MEGF6: variants seen among roughly 807,000 people sequenced by gnomAD.
The protein encoded by MEGF6 is multiple EGF like domains 6.
Under a neutral mutation model 207.1 loss-of-function variants are expected in MEGF6, and 184 were observed. The observed-to-expected ratio is 0.89, with a 90% CI of 0.79 to 1.00. The LOEUF is 1.00. MEGF6 is among the 50% of genes least tolerant of loss of function. The pLI is 0.00. For missense variants in MEGF6, 2,282 were observed against 2,202.9 expected, an observed-to-expected ratio of 1.04 and a Z score of -0.72; for synonymous variants, 1,038 against 910.0, an observed-to-expected ratio of 1.14 and a Z score of -2.53.
In MEGF6 at chr1:3,499,683, C is replaced by T. The variant is rs374957582; in HGVS notation, c.2870G>A (p.Arg957His). The change falls in exon 23 of 37, where the codon CGC (arginine) becomes CAC (histidine). Residue 957 changes from arginine (R) to histidine (H), a missense_variant. Arg to His is a conservative substitution (Grantham distance 29, BLOSUM62 0). Coordinates refer to ENST00000356575, the MANE Select transcript of MEGF6 (RefSeq NM_001409.4). ...CPAGFFGLDCRSACNCTAGAA... is the reference protein window; with the variant it reads ...CPAGFFGLDCHSACNCTAGAA... ...TCCGGCGGTGCAGTTGCAGGCACTG[C>T]GACAGTCCAATCCAAAGAAGCCGGC... 10 of 1,601,554 alleles carry T rather than the reference C, an allele frequency of 6.2e-6. No individual in the cohort carries two copies. The highest frequency in any genetic ancestry group is 4.5e-5 in the East Asian group (2 of 44,448).
Position 3,602,670 on chromosome 1 carries a change from C to A in MEGF6, c.132-70G>T, listed in dbSNP as rs369433572. 2.2e-5 allele frequency: 34 copies of A among 1,538,058 alleles called. No homozygotes were observed. The African/African-American group carries it at 4.5e-4, about 20-fold the overall frequency. On this transcript the variant is annotated intron_variant, in intron 1 of 36. Transcript: ENST00000356575. The stretch of plus-strand genomic sequence containing the variant: ...CGGCAACACCCACCCCTCCTGCACC[C>A]CCAGCCTTGGGTGTCAGCTCATCTG...
rs568191234 is a variant in MEGF6, at chr1:3,524,803, G to A, written c.482-557C>T. Among the ~76,000 whole-genome samples the A allele has an allele frequency of 2.7e-4, 41 of 152,270 alleles. No homozygotes were observed. In the South Asian group the frequency reaches 8.1e-3, roughly 30 times the overall value. On this transcript the variant is annotated intron_variant, in intron 4 of 36. Coordinates refer to ENST00000356575, the MANE Select transcript of MEGF6 (RefSeq NM_001409.4). ...TGGCAGCTGTCCTAAGTTCAGGCTC[G>A]AGATGAGATTGTTCCGGATGAGGGT... is the stretch of plus-strand genomic sequence containing the variant.
chr1:3,586,143 CTGTG>C (rs911051615), intron 3 of MEGF6, among the ~76,000 whole-genome samples: 3 of 138,090 alleles, frequency 2.2e-5, no homozygotes, highest in African/African-American at 2.8e-5. Flanking sequence ...GACACATGTC[CTGTG>C]TGTGTGTGAG....
the MEGF6 span, among the ~76,000 whole-genome samples, chr1:3,619,128 TAC>T: frequency 6.6e-6 from 1 of 152,244 alleles, no homozygotes; most frequent in Non-Finnish European, 1.5e-5. Flanking sequence ...AGGGCCTGAA[TAC>T]ACACACCCAG....
chr1:3,593,326 C>T (rs966649726), intron 3 of MEGF6, among the ~76,000 whole-genome samples: 5 of 150,764 alleles, frequency 3.3e-5, no homozygotes, highest in South Asian at 2.1e-4. Flanking sequence ...CAGGGGCACA[C>T]GAGGATAGCC....
At chr1:3,567,766 C>T (rs538295984) in intron 4 of MEGF6, among the ~76,000 whole-genome samples, 3 of 152,294 alleles carry the variant, frequency 2.0e-5, no homozygotes, top group South Asian at 4.1e-4. Flanking sequence ...TTGAAGGAGA[C>T]GGCCCTCCAC....
intron 3 of MEGF6, 92 bp downstream of exon 3, chr1:3,595,246 G>A (rs540325139): frequency 5.4e-5 from 46 of 849,972 alleles, no homozygotes; most frequent in African/African-American, 3.2e-4. Context: ...GGGGAAGGGC[G>A]ATCCCCACCA....
chr1:3,617,532 G>A, the MEGF6 span, among the ~76,000 whole-genome samples: 1 of 152,120 alleles, frequency 6.6e-6, no homozygotes, highest in African/African-American at 2.4e-5. Context: ...ATGCTGGGCT[G>A]AATAACCAGG....
chr1:3,528,911 GTTAT>G (rs1209942359), intron 4 of MEGF6, among the ~76,000 whole-genome samples: 3 of 152,180 alleles, frequency 2.0e-5, no homozygotes, highest in East Asian at 3.9e-4. Context: ...TGAGTGTGTG[GTTAT>G]TTGTTACCGC....
At position 3,510,780 on chromosome 1, in the gene MEGF6, C is replaced by T. The variant is rs1336451859; in HGVS notation, c.1234+3G>A. The T allele has an allele frequency of 1.2e-6, 2 of 1,600,294 alleles. No individual in the cohort carries two copies. Among genetic ancestry groups the T allele is most frequent in the South Asian group, 1.1e-5 (1 of 90,452 alleles). ...AGCTGTGCAGTGGCAGGGCAGTGCT[C>T]ACCCTCACAGCCGCAGCCATCGGCA... On this transcript the variant is annotated splice_donor_region_variant and intron_variant, in intron 10 of 36. Coordinates refer to ENST00000356575, the MANE Select transcript of MEGF6 (RefSeq NM_001409.4).
chr1:3,496,990 T>C lies in MEGF6; in HGVS notation c.3611A>G (p.Gln1204Arg). The change falls in exon 28 of 37, where the codon CAA becomes CGA. Residue 1204 changes from glutamine to arginine, a missense_variant and splice_region_variant. Coordinates refer to ENST00000356575, the MANE Select transcript of MEGF6 (RefSeq NM_001409.4). ...AAGYHGPSCQ[Q>R]RCPPGRYGPG... ...GGGTGGGCACGGGCAGCACTCACGT[T>C]GCTGGCAGCTGGGGCCGTGGTAGCC... The C allele has an allele frequency of 6.5e-7, 1 of 1,549,292 alleles. No homozygotes were observed. Among genetic ancestry groups the C allele is most frequent in the Non-Finnish European group, 8.7e-7 (1 of 1,147,090 alleles).
chr1:3,548,410 G>C (rs1035313871), intron 4 of MEGF6, among the ~76,000 whole-genome samples: 1 of 152,276 alleles, frequency 6.6e-6, no homozygotes, highest in Non-Finnish European at 1.5e-5. Context: ...TCTCCGGACT[G>C]TTGGAATGCA....
chr1:3,600,544 G>A (rs1042777589), intron 2 of MEGF6, among the ~76,000 whole-genome samples: 1 of 152,204 alleles, frequency 6.6e-6, no homozygotes, highest in Non-Finnish European at 1.5e-5. Flanking sequence ...AGGGATGAAG[G>A]GAGCAAGCCT....
chr1:3,536,926 C>G (rs1642348770), intron 4 of MEGF6, among the ~76,000 whole-genome samples: 1 of 152,286 alleles, frequency 6.6e-6, no homozygotes, highest in Non-Finnish European at 1.5e-5. Flanking sequence ...TCAGTGCTCA[C>G]CTCCGACACC....
rs577021747 is a variant in MEGF6 at position 3,556,067 on chromosome 1, C to T, written c.481+23758G>A. On this transcript the variant is annotated intron_variant, in intron 4 of 36. Transcript: ENST00000356575. This position sits in a 1 kb window ranked among gnomAD's most constrained non-coding sequence, Gnocchi z 4.4. ...GTCCGTGGCCAGGGGAGCCCCTCTC[C>T]AAGGTGGGCTGGGTTCAGAGACCTT... 1.7e-3 allele frequency among the ~76,000 whole-genome samples: 254 copies of T among 152,230 alleles called. No individual in the cohort carries two copies. The highest frequency in any genetic ancestry group is 2.8e-3 in the Non-Finnish European group (191 of 68,040).
chr1:3,531,596 C>G (rs1570072590), intron 4 of MEGF6: 2 of 707,760 alleles, frequency 2.8e-6, no homozygotes, highest in Non-Finnish European at 3.5e-6. Flanking sequence ...CGCTCCCGGA[C>G]CCGGACGCAG....
At position 3,512,092 on chromosome 1, in the gene MEGF6, G is replaced by C. The variant is rs1433767934; in HGVS notation, c.890C>G (p.Ala297Gly). The change falls in exon 8 of 37, where the codon GCC becomes GGC. Residue 297 changes from alanine (A) to glycine (G), a missense_variant. Physicochemically the swap from Ala to Gly is moderately conservative, Grantham distance 60. Transcript: ENST00000356575. ...CCCCTGGGTGTTGAGGCAGCCATGG[G>C]CACACTGGGCCAGCCCTGCGGCACA... ...DECAAGLAQCAHGCLNTQGSF... is the reference protein window; with the variant it reads ...DECAAGLAQCGHGCLNTQGSF... 6.2e-7 allele frequency: 1 copy of C among 1,611,962 alleles called. No individual in the cohort carries two copies. Among genetic ancestry groups the C allele is most frequent in the Non-Finnish European group, 8.5e-7 (1 of 1,179,382 alleles).
Position 3,534,761 on chromosome 1 carries a change from C to T in MEGF6, c.482-10515G>A, listed in dbSNP as rs369548044. 1.8e-4 allele frequency among the ~76,000 whole-genome samples: 28 copies of T among 152,244 alleles called. No individual in the cohort carries two copies. The East Asian group carries it at 2.7e-3, about 15-fold the overall frequency. On this transcript the variant is annotated intron_variant, in intron 4 of 36. Coordinates refer to ENST00000356575, the MANE Select transcript of MEGF6 (RefSeq NM_001409.4). Reference sequence around the variant, plus strand: ...AGCCATGGTGGACACAGCCATGGTCCGGAGACATCCTGGAAGCCAGCCAGG... The same window carrying T: ...AGCCATGGTGGACACAGCCATGGTCTGGAGACATCCTGGAAGCCAGCCAGG...
intron 3 of MEGF6, among the ~76,000 whole-genome samples, chr1:3,582,313 C>T (rs1643818016): frequency 6.6e-6 from 1 of 152,222 alleles, no homozygotes; most frequent in African/African-American, 2.4e-5. Context: ...CGAATCCTCC[C>T]AGCAGCTCAC....
Sources: gnomAD v4.1 joint callset for allele counts (sites outside exome capture counted in the v4.1 genomes callset) on GRCh38, gnomAD v4.1.1 for gene constraint, Gnocchi (gnomAD v3.1) non-coding constraint, MANE v1.5 for transcripts, NCBI Gene and HGNC (gene_info 2026-07-23, HGNC 2026-07-21) for gene names.